The following PDSS2 variants were observed in gnomAD, a reference collection of about 807,000 sequenced individuals.
PDSS2 encodes decaprenyl diphosphate synthase subunit 2, also known as all trans-polyprenyl-diphosphate synthase PDSS2.
Under a neutral mutation model 44.5 loss-of-function variants are expected in PDSS2, and 31 were observed. The ratio of observed to expected loss-of-function variants is 0.70; its 90% confidence interval spans 0.52 to 0.94. The LOEUF (loss-of-function observed/expected upper bound fraction) is 0.94. PDSS2 is among the 40% of genes least tolerant of loss of function. The probability of loss-of-function intolerance (pLI) is 0.00; values close to 1 mark genes in which losing one functional copy is unlikely to be tolerated. For synonymous variants in PDSS2, 157 were observed against 180.3 expected, an observed-to-expected ratio of 0.87 and a Z score of 1.03; for missense variants, 452 against 482.2, an observed-to-expected ratio of 0.94 and a Z score of 0.59.
chr6:107,425,223 G>A (rs1249463324), intron 1 of PDSS2, among the ~76,000 whole-genome samples: 1 of 152,144 alleles, frequency 6.6e-6, no homozygotes, highest in African/African-American at 2.4e-5. Context: ...ACAGTAAATT[G>A]GTACCAGTAG....
chr6:107,377,157 C>T (rs151257126), intron 1 of PDSS2, among the ~76,000 whole-genome samples: 27,406 of 126,486 alleles, frequency 0.22, 4,059 homozygotes, highest in East Asian at 0.43. Context: ...AGGGCTAATA[C>T]CCAGAATCTA....
chr6:107,297,585 T>C (rs915349787), intron 2 of PDSS2, among the ~76,000 whole-genome samples: 1 of 151,966 alleles, frequency 6.6e-6, no homozygotes, highest in Non-Finnish European at 1.5e-5. Context: ...TTTCACCATG[T>C]TGGCCAGGCT....
At chr6:107,238,898 A>ATT (rs201737210) in intron 4 of PDSS2, among the ~76,000 whole-genome samples, 2 of 148,670 alleles carry the variant, frequency 1.3e-5, no homozygotes, top group African/African-American at 4.9e-5. Context: ...CACTTTCAGG[A>ATT]TTTTTTTTTT....
intron 2 of PDSS2, among the ~76,000 whole-genome samples, chr6:107,293,021 C>T (rs1424167916): frequency 2.0e-5 from 3 of 152,236 alleles, no homozygotes; most frequent in South Asian, 2.1e-4. Context: ...CGTATCAATT[C>T]GGTTTATCAG....
rs72939824 is a variant in PDSS2, at chr6:107,273,022, C to T, written c.630+1007G>A. Among the ~76,000 whole-genome samples the T allele has an allele frequency of 7.5e-3, 1,142 of 152,170 alleles. 8 individuals are homozygous for T. Among genetic ancestry groups the T allele is most frequent in the Middle Eastern group, 0.048 (14 of 294 alleles). On this transcript the variant is annotated intron_variant, in intron 3 of 7. Transcript: ENST00000369037. Reference sequence around the variant, plus strand: ...GTGGCACAATCTCAGCTCACTTCAACCTACCAGGCTGGAGTGCAGTGGCAT... The same window carrying T: ...GTGGCACAATCTCAGCTCACTTCAATCTACCAGGCTGGAGTGCAGTGGCAT...
At chr6:107,264,800 C>T (rs940840080) in intron 3 of PDSS2, among the ~76,000 whole-genome samples, 3 of 152,132 alleles carry the variant, frequency 2.0e-5, no homozygotes, top group African/African-American at 7.2e-5. Flanking sequence ...TGCTCAAACA[C>T]TAAAATTTTA....
In PDSS2 at chr6:107,154,560, A is replaced by G. The variant is rs565796430; in HGVS notation, c.*59T>C. Reference sequence around the variant, plus strand: ...TTAACGCATCGTGAAAGCGCTCCCAATCAACCTCATTCCCTAGGATTTTCA... The same window carrying G: ...TTAACGCATCGTGAAAGCGCTCCCAGTCAACCTCATTCCCTAGGATTTTCA... On this transcript the variant is annotated 3_prime_UTR_variant, in exon 8 of 8. Coordinates refer to ENST00000369037, the MANE Select transcript of PDSS2 (RefSeq NM_020381.4). 4 of 1,544,514 alleles carry G rather than the reference A, an allele frequency of 2.6e-6. No individual in the cohort carries two copies. The highest frequency in any genetic ancestry group is 3.3e-5 in the Admixed American group (2 of 59,868).
chr6:107,394,277 A>G (rs953063537), intron 1 of PDSS2, among the ~76,000 whole-genome samples: 2 of 152,076 alleles, frequency 1.3e-5, no homozygotes, highest in Non-Finnish European at 2.9e-5. Context: ...AATACCTGGG[A>G]CTGGGTAATT....
intron 2 of PDSS2, among the ~76,000 whole-genome samples, chr6:107,304,660 C>T (rs1044008508): frequency 6.6e-6 from 1 of 152,188 alleles, no homozygotes; most frequent in African/African-American, 2.4e-5. Flanking sequence ...TATATCTAGT[C>T]CTTAGAACAA....
intron 1 of PDSS2, among the ~76,000 whole-genome samples, chr6:107,400,064 TG>T (rs996848486): frequency 1.2e-4 from 18 of 151,662 alleles, no homozygotes; most frequent in African/African-American, 4.1e-4. Context: ...AGTATGTGAG[TG>T]GGGGGAGTGT....
chr6:107,293,225 T>A (rs906047048), intron 2 of PDSS2, among the ~76,000 whole-genome samples: 4 of 152,140 alleles, frequency 2.6e-5, no homozygotes, highest in African/African-American at 7.2e-5. Context: ...GACGGCTCAT[T>A]TCCCCTGGCT....
In PDSS2 at chr6:107,210,436, T is replaced by A; in HGVS notation, c.1008+3A>T. ...ACCTAAAACAGGAGTAATTTCATTT[T>A]ACCTCTCCGATCTGTTTAATCCACA... On this transcript the variant is annotated splice_donor_region_variant and intron_variant, in intron 6 of 7. Coordinates refer to ENST00000369037, the MANE Select transcript of PDSS2 (RefSeq NM_020381.4). The A allele has an allele frequency of 6.2e-7, 1 of 1,604,256 alleles. No individual in the cohort carries two copies. The highest frequency in any genetic ancestry group is 8.5e-7 in the Non-Finnish European group (1 of 1,171,758).
At chr6:107,376,399 G>C (rs1055317663) in intron 1 of PDSS2, among the ~76,000 whole-genome samples, 2 of 152,032 alleles carry the variant, frequency 1.3e-5, no homozygotes, top group Admixed American at 6.6e-5. Flanking sequence ...CATGAGCATG[G>C]AATGTTCTTC....
At chr6:107,452,296 GC>G in intron 1 of PDSS2, among the ~76,000 whole-genome samples, 1 of 151,434 alleles carries the variant, frequency 6.6e-6, no homozygotes, top group South Asian at 2.1e-4. Context: ...GGAGTGCAGT[GC>G]CGCGATCTCA....
intron 1 of PDSS2, among the ~76,000 whole-genome samples, chr6:107,364,450 G>T: frequency 6.6e-6 from 1 of 152,220 alleles, no homozygotes; most frequent in Non-Finnish European, 1.5e-5. Context: ...CGGCACTGCT[G>T]GGGGACTCAG....
chr6:107,296,287 G>A (rs1776506639), intron 2 of PDSS2, among the ~76,000 whole-genome samples: 1 of 147,176 alleles, frequency 6.8e-6, no homozygotes, highest in Admixed American at 6.8e-5. Context: ...TGTGTACTAC[G>A]TGTATGACAG....
At position 107,332,392 on chromosome 6, in the gene PDSS2, C is replaced by A. The variant is rs1777740668; in HGVS notation, c.431+1806G>T. Reference sequence around the variant, plus strand: ...AAGTGCTGGGATTATGGGCATCAGCCATCACACCTGGCCTGTAAGGTAAAC... The same window carrying A: ...AAGTGCTGGGATTATGGGCATCAGCAATCACACCTGGCCTGTAAGGTAAAC... On this transcript the variant is annotated intron_variant, in intron 2 of 7. Coordinates refer to ENST00000369037, the MANE Select transcript of PDSS2 (RefSeq NM_020381.4). Among the ~76,000 whole-genome samples the A allele has an allele frequency of 2.6e-5, 4 of 152,114 alleles. No homozygotes were observed. The South Asian group carries it at 8.3e-4, about 32-fold the overall frequency.
intron 2 of PDSS2, among the ~76,000 whole-genome samples, chr6:107,291,786 G>A (rs1261109200): frequency 1.3e-5 from 2 of 152,042 alleles, no homozygotes; most frequent in African/African-American, 4.8e-5. Flanking sequence ...GCCAAGGTGG[G>A]AGGACTGTTT....
In PDSS2 at chr6:107,445,544, A is replaced by C. The variant is rs115974357; in HGVS notation, c.296+13446T>G. Among the ~76,000 whole-genome samples, 648 of 152,354 alleles carry C rather than the reference A, an allele frequency of 4.3e-3. 2 individuals are homozygous for C. Among genetic ancestry groups the C allele is most frequent in the African/African-American group, 0.015 (618 of 41,570 alleles). On this transcript the variant is annotated intron_variant, in intron 1 of 7. Coordinates refer to ENST00000369037, the MANE Select transcript of PDSS2 (RefSeq NM_020381.4). ...CATAAATATTCATATTAAATGGGAT[A>C]AATAAAGACTATAAATAGCCTCACA...
Sources: gnomAD v4.1 joint callset for allele counts (sites outside exome capture counted in the v4.1 genomes callset) on GRCh38, gnomAD v4.1.1 for gene constraint, MANE v1.5 for transcripts, NCBI Gene and HGNC (gene_info 2026-07-23, HGNC 2026-07-21) for gene names.